ZNF793: variants seen among roughly 807,000 people sequenced by gnomAD.
The protein encoded by ZNF793 is zinc finger protein 793.
Under a neutral mutation model 12.4 loss-of-function variants are expected in ZNF793, and 5 were observed. The observed-to-expected ratio is 0.40, with a 90% CI of 0.21 to 0.84. ZNF793 has a LOEUF of 0.84. ZNF793 is among the 40% of genes least tolerant of loss of function. The probability of loss-of-function intolerance (pLI) is 0.35; values close to 1 mark genes in which losing one functional copy is unlikely to be tolerated. For synonymous variants in ZNF793, 162 were observed against 172.4 expected (o/e 0.94, Z 0.47); for missense variants, 456 against 495.0 (o/e 0.92, Z 0.75).
chr19:37,542,915 G>A lies in ZNF793; in HGVS notation c.*5036G>A, dbSNP rs567850382. On this transcript the variant is annotated 3_prime_UTR_variant, in exon 8 of 8. Coordinates refer to ENST00000627814, the MANE Select transcript of ZNF793 (RefSeq NM_001013659.3). ...AGGTGGGTAATGCAGGTAGGTTATG[G>A]GGGAGTCAGGGGTGTAGGGAAAAGG... is the stretch of plus-strand genomic sequence containing the variant. The A allele has an allele frequency of 6.6e-6, 1 of 152,278 alleles. No homozygotes were observed. The highest frequency in any genetic ancestry group is 1.5e-5 in the Non-Finnish European group (1 of 68,060). The allele number at this position is 152,278 out of a possible 1,614,324, so 9.4% of individuals were successfully genotyped here. A position where few individuals can be genotyped will look rare whatever the true frequency, so the allele number is the denominator to read the frequency against.
intron 2 of ZNF793, among the ~76,000 whole-genome samples, chr19:37,510,163 C>G (rs968452044): frequency 6.6e-6 from 1 of 151,960 alleles, no homozygotes; most frequent in Non-Finnish European, 1.5e-5. Context: ...GATCTTGAGA[C>G]CAGCCTGCGC....
chr19:37,536,692 A>T, intron 7 of ZNF793: 2 of 521,070 alleles, frequency 3.8e-6, no homozygotes, highest in African/African-American at 3.9e-5. Context: ...CTTTGAAATT[A>T]TTGGTCTCTA....
chr19:37,529,991 G>T (rs774555372), intron 5 of ZNF793, among the ~76,000 whole-genome samples: 102 of 152,016 alleles, frequency 6.7e-4, no homozygotes, highest in Non-Finnish European at 1.2e-3. Flanking sequence ...TCATTCTTGG[G>T]TGTTTCTCGG....
rs781685608 is a variant in ZNF793, at chr19:37,537,172, T to C, written c.514T>C (p.Leu172=). The C allele has an allele frequency of 6.2e-7, 1 of 1,613,620 alleles. No homozygotes were observed. Among genetic ancestry groups the C allele is most frequent in the Non-Finnish European group, 8.5e-7 (1 of 1,179,678 alleles). Residue 172 remains leucine, a synonymous_variant, in exon 8 of 8, where the codon TTG becomes CTG. Transcript: ENST00000627814. ...AGATGAGTGTTATGCTTATGGGAAA[T>C]TGCTTCAGCGTATAAATCATGGTAG... ...KQDECYAYGK[L]LQRINHGRRP...
chr19:37,515,289 T>C (rs148242436), intron 2 of ZNF793, among the ~76,000 whole-genome samples: 11 of 152,266 alleles, frequency 7.2e-5, no homozygotes, highest in Non-Finnish European at 1.3e-4. Flanking sequence ...AATGGATTAA[T>C]GACTTTTTTC....
chr19:37,518,629 A>AC (rs2042351794), intron 2 of ZNF793, among the ~76,000 whole-genome samples: 1 of 99,282 alleles, frequency 1.0e-5, no homozygotes, highest in Non-Finnish European at 1.8e-5. Context: ...CCCTGTCTCT[A>AC]CAAAAAAAAA....
Position 37,520,408 on chromosome 19 carries a change from C to T in ZNF793, c.-147+96C>T, listed in dbSNP as rs113016415. On this transcript the variant is annotated intron_variant, in intron 3 of 7. Coordinates refer to ENST00000627814, the MANE Select transcript of ZNF793 (RefSeq NM_001013659.3). ...GGGAACTTGGGATGAAAATTCCCTT[C>T]TGAAGGAATCACTCAGACCCCATAC... The T allele has an allele frequency of 9.8e-5, 15 of 152,368 alleles. 1 individual carries two copies. The highest frequency in any genetic ancestry group is 3.4e-4 in the African/African-American group (14 of 41,572). 9.4% of individuals were successfully genotyped at this position (152,368 alleles called of 1,614,324 possible).
At chr19:37,523,806 A>G (rs868812741) in intron 5 of ZNF793, among the ~76,000 whole-genome samples, 3 of 152,210 alleles carry the variant, frequency 2.0e-5, no homozygotes, top group Non-Finnish European at 4.4e-5. Flanking sequence ...CGAGGAGGGT[A>G]GATATCCTTG....
At chr19:37,507,832 T>A (rs2042262747) in intron 1 of ZNF793, among the ~76,000 whole-genome samples, 1 of 152,194 alleles carries the variant, frequency 6.6e-6, no homozygotes, top group South Asian at 2.1e-4. Flanking sequence ...TGACCTGTAG[T>A]CTCTCCTGGT....
chr19:37,534,553 C>G (rs987652132), intron 7 of ZNF793: 2 of 152,368 alleles, frequency 1.3e-5, no homozygotes, highest in Middle Eastern at 3.4e-3. Flanking sequence ...GCTTATTATT[C>G]CAGGGCTTTG....
intron 5 of ZNF793, among the ~76,000 whole-genome samples, chr19:37,528,083 T>C (rs1297160163): frequency 6.6e-6 from 1 of 152,068 alleles, no homozygotes; most frequent in Non-Finnish European, 1.5e-5. Context: ...GAGCCGAGAC[T>C]GCGCCACTGC....
At chr19:37,527,050 C>T (rs564656590) in intron 5 of ZNF793, among the ~76,000 whole-genome samples, 2 of 152,270 alleles carry the variant, frequency 1.3e-5, no homozygotes, top group East Asian at 3.9e-4. Flanking sequence ...CAGGTTCAAG[C>T]AATTCTCCTG....
intron 2 of ZNF793, among the ~76,000 whole-genome samples, chr19:37,519,272 A>C (rs904553674): frequency 1.3e-5 from 2 of 152,028 alleles, no homozygotes; most frequent in African/African-American, 4.8e-5. Context: ...ACTCAAAAAC[A>C]AAAAAAATTC....
intron 5 of ZNF793, among the ~76,000 whole-genome samples, chr19:37,526,257 C>T (rs1387432708): frequency 1.3e-5 from 2 of 152,130 alleles, no homozygotes; most frequent in African/African-American, 2.4e-5. Context: ...GGACTATAGG[C>T]GCATGCCACT....
chr19:37,537,863 T>C lies in ZNF793; in HGVS notation c.1205T>C (p.Ile402Thr). ...KNAYRNENLI[I>T]VGNT ...GCCTACAGGAATGAAAACTTAATAATTGTGGGAAATACTTGAGCAAAATAT... is the reference window on the plus strand; with the variant it reads ...GCCTACAGGAATGAAAACTTAATAACTGTGGGAAATACTTGAGCAAAATAT... The change falls in exon 8 of 8, where the codon ATT (isoleucine) becomes ACT (threonine). Residue 402 changes from isoleucine to threonine, a missense_variant. Coordinates refer to ENST00000627814, the MANE Select transcript of ZNF793 (RefSeq NM_001013659.3). 1 of 1,589,018 alleles carries C rather than the reference T, an allele frequency of 6.3e-7. No homozygotes were observed. The highest frequency in any genetic ancestry group is 8.6e-7 in the Non-Finnish European group (1 of 1,164,992).
rs201910198 is a variant in ZNF793, at chr19:37,532,485, A to G, written c.142+3A>G. On this transcript the variant is annotated splice_donor_region_variant and intron_variant, in intron 6 of 7. Coordinates refer to ENST00000627814, the MANE Select transcript of ZNF793 (RefSeq NM_001013659.3). ...CTATAGCAACCTCGTCTCAGTGGGTAAGAACATCCTCACCATACAATGCAG... is the reference window on the plus strand; with the variant it reads ...CTATAGCAACCTCGTCTCAGTGGGTGAGAACATCCTCACCATACAATGCAG... The G allele has an allele frequency of 1.3e-6, 2 of 1,599,348 alleles. No individual in the cohort carries two copies. The highest frequency in any genetic ancestry group is 2.7e-5 in the African/African-American group (2 of 74,392).
At chr19:37,523,995 C>A (rs1293226491) in intron 5 of ZNF793, among the ~76,000 whole-genome samples, 4 of 151,758 alleles carry the variant, frequency 2.6e-5, no homozygotes, top group African/African-American at 9.7e-5. Context: ...ATTAAAAATA[C>A]AAAAATTAGT....
intron 5 of ZNF793, among the ~76,000 whole-genome samples, chr19:37,530,324 T>C (rs2042448781): frequency 1.3e-5 from 2 of 152,172 alleles, no homozygotes; most frequent in Admixed American, 6.5e-5. Flanking sequence ...CTTCCTCTTA[T>C]ACTAATCCTC....
Position 37,541,696 on chromosome 19 carries a change from A to G in ZNF793, c.*3817A>G, listed in dbSNP as rs1243201143. 3.6e-5 allele frequency: 5 copies of G among 139,294 alleles called. No homozygotes were observed. In the Admixed American group the frequency reaches 3.9e-4, roughly 11 times the overall value. 8.6% of individuals were successfully genotyped at this position (139,294 alleles called of 1,614,324 possible). On this transcript the variant is annotated 3_prime_UTR_variant, in exon 8 of 8. Transcript: ENST00000627814. ...TCCATCTCAGAAAAAAAGAAAAAGA[A>G]AAAAAAAAGGAAACAAACATTTGAC...
Sources: allele counts gnomAD v4.1 joint callset (sites outside exome capture counted in the v4.1 genomes callset), GRCh38; gene constraint gnomAD v4.1.1; transcripts MANE v1.5; gene names NCBI Gene and HGNC (gene_info 2026-07-23, HGNC 2026-07-21).